The following VAV2 variants were observed in gnomAD, a reference collection of about 807,000 sequenced individuals.
VAV2 encodes vav guanine nucleotide exchange factor 2, also known as guanine nucleotide exchange factor VAV2.
Under a neutral mutation model 132.5 loss-of-function variants are expected in VAV2, and 67 were observed. The observed-to-expected ratio is 0.51, with a 90% CI of 0.42 to 0.62. The LOEUF (loss-of-function observed/expected upper bound fraction) is 0.62, where lower values mean the gene tolerates loss of function less well. Ranked by LOEUF, VAV2 falls within the 20% of genes least tolerant of loss-of-function variation. VAV2 has a pLI of 0.00. For synonymous variants in VAV2, 492 were observed against 443.5 expected (o/e 1.11, Z -1.37); for missense variants, 938 against 1,153.6 (o/e 0.81, Z 2.71).
chr9:133,815,971 C>A (rs1187260141), intron 4 of VAV2, among the ~76,000 whole-genome samples: 3 of 152,218 alleles, frequency 2.0e-5, no homozygotes, highest in South Asian at 4.1e-4. Flanking sequence ...CGCTCACCAG[C>A]CCCAGCTGCG....
At chr9:133,929,151 G>A (rs1195562702) in intron 2 of VAV2, among the ~76,000 whole-genome samples, 2 of 152,166 alleles carry the variant, frequency 1.3e-5, no homozygotes, top group African/African-American at 2.4e-5. Context: ...TCCTGATGAC[G>A]GCCTGATCCT....
chr9:133,871,869 G>C (rs1019711268), intron 2 of VAV2, among the ~76,000 whole-genome samples: 4 of 152,098 alleles, frequency 2.6e-5, no homozygotes, highest in Admixed American at 2.6e-4. Flanking sequence ...GCCCAGGGGT[G>C]GGGGCCAGCC....
rs1203802595 is a variant in VAV2, at chr9:133,834,077, C to T, written c.449+195G>A. On this transcript the variant is annotated intron_variant, in intron 4 of 29. Coordinates refer to ENST00000371850, the MANE Select transcript of VAV2 (RefSeq NM_001134398.2). The surrounding 1 kb of genome is among the most constrained non-coding windows in gnomAD (Gnocchi z 5.9). The stretch of plus-strand genomic sequence containing the variant: ...GAAGATCTGCTCATGTCTGAGGTCT[C>T]TCAGATGCATGCCTTCCCACTCAGC... Among the ~76,000 whole-genome samples the T allele has an allele frequency of 1.3e-5, 2 of 152,234 alleles. No individual in the cohort carries two copies. Among genetic ancestry groups the T allele is most frequent in the African/African-American group, 4.8e-5 (2 of 41,472 alleles).
At position 133,804,113 on chromosome 9, in the gene VAV2, A is replaced by C. The variant is rs529002177; in HGVS notation, c.836+1968T>G. 6.6e-6 allele frequency among the ~76,000 whole-genome samples: 1 copy of C among 152,320 alleles called. No individual in the cohort carries two copies. Among genetic ancestry groups the C allele is most frequent in the South Asian group, 2.1e-4 (1 of 4,824 alleles). On this transcript the variant is annotated intron_variant, in intron 9 of 29. Coordinates refer to ENST00000371850, the MANE Select transcript of VAV2 (RefSeq NM_001134398.2). This position sits in a 1 kb window ranked among gnomAD's most constrained non-coding sequence, Gnocchi z 4.5. ...ACTGCGTGTCCTCAGTCCAGAGCTCAGGAGCCATACAGAGCAGGCACCCTA... is the reference window on the plus strand; with the variant it reads ...ACTGCGTGTCCTCAGTCCAGAGCTCCGGAGCCATACAGAGCAGGCACCCTA...
chr9:133,842,243 AAAG>A (rs1157188010), intron 3 of VAV2, among the ~76,000 whole-genome samples: 1 of 152,190 alleles, frequency 6.6e-6, no homozygotes, highest in Non-Finnish European at 1.5e-5. Context: ...GCCGGTACAG[AAAG>A]AAAGTGGAAC....
intron 2 of VAV2, among the ~76,000 whole-genome samples, chr9:133,881,427 G>C (rs1838492435): frequency 6.6e-6 from 1 of 152,258 alleles, no homozygotes; most frequent in African/African-American, 2.4e-5. Flanking sequence ...TGGGTGACAG[G>C]AGGGGAGGCC....
At chr9:133,795,053 C>T (rs1382384251) in intron 12 of VAV2, among the ~76,000 whole-genome samples, 2 of 152,220 alleles carry the variant, frequency 1.3e-5, no homozygotes, top group African/African-American at 2.4e-5. Flanking sequence ...ATCAAACCTG[C>T]CTGGAACTGT....
At chr9:133,982,242 G>T (rs538217173) in intron 1 of VAV2, among the ~76,000 whole-genome samples, 1 of 151,568 alleles carries the variant, frequency 6.6e-6, no homozygotes, top group African/African-American at 2.4e-5. Flanking sequence ...GGCACCGAAG[G>T]CCAGGGAGAC....
At chr9:133,971,535 C>CTCCA (rs1454600623) in intron 1 of VAV2, among the ~76,000 whole-genome samples, 63 of 152,304 alleles carry the variant, frequency 4.1e-4, no homozygotes, top group African/African-American at 1.5e-3. Flanking sequence ...GGCTGGGGGG[C>CTCCA]CTGAGCTGCT....
intron 4 of VAV2, among the ~76,000 whole-genome samples, chr9:133,825,253 C>A (rs2283127): frequency 0.16 from 24,140 of 151,774 alleles, 2,542 homozygotes; most frequent in East Asian, 0.57. Flanking sequence ...CCTTAAGAAA[C>A]GCCCCGTCTT....
At chr9:133,796,333 G>T in intron 11 of VAV2, 96 bp downstream of exon 11, 1 of 1,036,726 alleles carries the variant, frequency 9.6e-7, no homozygotes, top group Non-Finnish European at 1.4e-6. Flanking sequence ...AACTTAATCT[G>T]TCTGTGGGCT....
chr9:133,887,454 C>T (rs1179480686), intron 2 of VAV2, among the ~76,000 whole-genome samples: 13 of 152,136 alleles, frequency 8.5e-5, no homozygotes. Flanking sequence ...CTAAAAACAG[C>T]AATGGCAGCC....
chr9:133,789,563 T>C (rs1834370011), intron 13 of VAV2, among the ~76,000 whole-genome samples: 1 of 152,212 alleles, frequency 6.6e-6, no homozygotes, highest in Non-Finnish European at 1.5e-5. Flanking sequence ...TTCTCTCCCT[T>C]TCCTGGCCAG....
intron 3 of VAV2, among the ~76,000 whole-genome samples, chr9:133,835,284 G>A (rs1836425060): frequency 6.6e-6 from 1 of 152,098 alleles, no homozygotes; most frequent in Non-Finnish European, 1.5e-5. Flanking sequence ...TCTGCAGACA[G>A]ACAGATGGGT....
At chr9:133,854,825 C>T (rs1236565155) in intron 3 of VAV2, among the ~76,000 whole-genome samples, 1 of 152,226 alleles carries the variant, frequency 6.6e-6, no homozygotes, top group Non-Finnish European at 1.5e-5. Flanking sequence ...TCCAATTAGG[C>T]TGGCCCAGGG....
chr9:133,959,228 G>A (rs995349815), intron 1 of VAV2, among the ~76,000 whole-genome samples: 1 of 152,156 alleles, frequency 6.6e-6, no homozygotes, highest in African/African-American at 2.4e-5. Flanking sequence ...AGAACCTGCT[G>A]GGCCAAGCCC....
intron 12 of VAV2, among the ~76,000 whole-genome samples, chr9:133,792,146 GGTGTGTGTGACTGTGT>G (rs1834501984): frequency 6.8e-6 from 1 of 147,930 alleles, no homozygotes; most frequent in African/African-American, 2.5e-5. Context: ...TGCTGGGTGG[GGTGTGTGTGACTGTGT>G]GTGTGTAAGC....
At chr9:133,933,292 A>G (rs1281731716) in intron 2 of VAV2, among the ~76,000 whole-genome samples, 1 of 152,294 alleles carries the variant, frequency 6.6e-6, no homozygotes, top group African/African-American at 2.4e-5. Flanking sequence ...TCAGCAGCTA[A>G]TCTGAGGGTC....
At chr9:133,871,017 CAGAT>C (rs1254236754) in intron 2 of VAV2, among the ~76,000 whole-genome samples, 2 of 112,530 alleles carry the variant, frequency 1.8e-5, no homozygotes, top group African/African-American at 3.6e-5. Flanking sequence ...GGTGGGTGAA[CAGAT>C]GGATGGATGG....
Sources: gnomAD v4.1 joint callset for allele counts (sites outside exome capture counted in the v4.1 genomes callset) on GRCh38, gnomAD v4.1.1 for gene constraint, Gnocchi (gnomAD v3.1) non-coding constraint, MANE v1.5 for transcripts, NCBI Gene and HGNC (gene_info 2026-07-23, HGNC 2026-07-21) for gene names.